RNF130: variants seen among roughly 807,000 people sequenced by gnomAD.
The protein encoded by RNF130 is E3 ubiquitin-protein ligase RNF130.
Under a neutral mutation model 44.6 loss-of-function variants are expected in RNF130, and 21 were observed. The ratio of observed to expected loss-of-function variants is 0.47; its 90% CI spans 0.33 to 0.68. RNF130 has a LOEUF of 0.68. Ranked by LOEUF, RNF130 falls within the 30% of genes least tolerant of loss-of-function variation. RNF130 has a pLI of 0.02. For missense variants in RNF130, 479 were observed against 560.6 expected (o/e 0.85, Z 1.47); for synonymous variants, 214 against 210.4 (o/e 1.02, Z -0.15).
intron 1 of RNF130, among the ~76,000 whole-genome samples, chr5:180,064,526 T>G (rs773068963): frequency 3.9e-5 from 6 of 152,240 alleles, no homozygotes; most frequent in African/African-American, 1.2e-4. Flanking sequence ...TTTGCCAACT[T>G]TGGAAATTGT....
At chr5:179,933,510 T>A (rs1287104754) in intron 7 of RNF130, among the ~76,000 whole-genome samples, 1 of 151,590 alleles carries the variant, frequency 6.6e-6, no homozygotes, top group Non-Finnish European at 1.5e-5. Flanking sequence ...CATTTTATTT[T>A]ACTTTTTAAT....
At chr5:180,014,863 G>A (rs2113089253) in intron 2 of RNF130, among the ~76,000 whole-genome samples, 1 of 152,284 alleles carries the variant, frequency 6.6e-6, no homozygotes, top group East Asian at 1.9e-4. Flanking sequence ...GCACATGTCT[G>A]TGGTCCCAGA....
chr5:179,938,146 T>C lies in RNF130; in HGVS notation c.1151-17720A>G, dbSNP rs970736921. On this transcript the variant is annotated intron_variant, in intron 7 of 7. Transcript: ENST00000522208. ...TAATTTTTGTATTTTTTTGTAGAGA[T>C]GGGGTTTTGCCACGTTGCCCAGGTT... is the stretch of plus-strand genomic sequence containing the variant. Among the ~76,000 whole-genome samples, 5 of 151,970 alleles carry C rather than the reference T, an allele frequency of 3.3e-5. No homozygotes were observed. The South Asian group carries it at 1.0e-3, about 32-fold the overall frequency.
chr5:179,933,573 G>A (rs576564425), intron 7 of RNF130, among the ~76,000 whole-genome samples: 1 of 150,206 alleles, frequency 6.7e-6, no homozygotes, highest in African/African-American at 2.5e-5. Context: ...CCAGGCTGGA[G>A]TGCAGTGGTG....
intron 8 of RNF130, among the ~76,000 whole-genome samples, chr5:179,961,239 G>T (rs749396624): frequency 2.2e-4 from 33 of 152,058 alleles, no homozygotes; most frequent in Non-Finnish European, 4.1e-4. Context: ...TACACAACAT[G>T]CACGCACACA....
chr5:179,946,854 C>T (rs188161239), intron 7 of RNF130, among the ~76,000 whole-genome samples: 2 of 152,258 alleles, frequency 1.3e-5, no homozygotes, highest in Admixed American at 6.5e-5. Flanking sequence ...GCGCCCAGCA[C>T]CATAGGGGAT....
At chr5:180,054,955 T>A (rs748475400) in intron 1 of RNF130, among the ~76,000 whole-genome samples, 7 of 152,226 alleles carry the variant, frequency 4.6e-5, no homozygotes, top group African/African-American at 1.7e-4. Flanking sequence ...GAACTACAAC[T>A]GACTTAATTT....
At chr5:180,000,258 C>G (rs924284437) in intron 3 of RNF130, among the ~76,000 whole-genome samples, 9 of 152,210 alleles carry the variant, frequency 5.9e-5, no homozygotes, top group African/African-American at 2.2e-4. Flanking sequence ...TAAGATTTCT[C>G]TGGAAAAATC....
chr5:180,042,924 T>G (rs992475960), intron 1 of RNF130, among the ~76,000 whole-genome samples: 7 of 152,258 alleles, frequency 4.6e-5, no homozygotes, highest in African/African-American at 1.2e-4. Context: ...GCTGTGTAAC[T>G]ATCACAGGTG....
At chr5:180,055,492 CTGTG>C (rs1213601705) in intron 1 of RNF130, among the ~76,000 whole-genome samples, 2 of 151,462 alleles carry the variant, frequency 1.3e-5, no homozygotes, top group Non-Finnish European at 2.9e-5. Context: ...GCGTATGTGT[CTGTG>C]TGTCTGTCTG....
chr5:179,940,744 T>A (rs1761960127), intron 7 of RNF130, among the ~76,000 whole-genome samples: 1 of 152,142 alleles, frequency 6.6e-6, no homozygotes, highest in African/African-American at 2.4e-5. Context: ...CAGTTTGATG[T>A]CTTTTGTCAG....
chr5:180,019,708 G>A (rs1682522610), intron 2 of RNF130, among the ~76,000 whole-genome samples: 2 of 152,204 alleles, frequency 1.3e-5, no homozygotes, highest in Admixed American at 1.3e-4. Context: ...CTGACAGATG[G>A]AGGTTATATC....
chr5:179,978,001 G>A (rs1008807983), intron 5 of RNF130, among the ~76,000 whole-genome samples: 11 of 152,240 alleles, frequency 7.2e-5, no homozygotes, highest in South Asian at 2.1e-4. Flanking sequence ...GCTACACCTC[G>A]GAAGGCCGTG....
In RNF130 at chr5:179,973,992, C is replaced by T. The variant is rs544524397; in HGVS notation, c.849-3486G>A. ...CAGCGCCCTCCCCTTTCCTATGTCC[C>T]ACACATGCCATGAACTAGAGTGAGC... On this transcript the variant is annotated intron_variant, in intron 5 of 8. Coordinates refer to ENST00000521389, the MANE Select transcript of RNF130 (RefSeq NM_018434.6). Among the ~76,000 whole-genome samples, 374 of 152,284 alleles carry T rather than the reference C, an allele frequency of 2.5e-3. 3 individuals are homozygous for T. Among genetic ancestry groups the T allele is most frequent in the African/African-American group, 8.5e-3 (352 of 41,548 alleles).
chr5:179,916,502 T>G (rs911623275), exon 8 of RNF130: 8 of 152,190 alleles, frequency 5.3e-5, no homozygotes, highest in Admixed American at 1.3e-4. Context: ...TAAAATTCAG[T>G]AATCTCGTTT....
chr5:179,975,965 G>A (rs1347868364), intron 5 of RNF130, among the ~76,000 whole-genome samples: 3 of 148,402 alleles, frequency 2.0e-5, no homozygotes, highest in African/African-American at 5.1e-5. Context: ...GCCTCCACCC[G>A]GGATGCTTCT....
chr5:180,050,263 A>G (rs1490670185), intron 1 of RNF130, among the ~76,000 whole-genome samples: 2 of 152,238 alleles, frequency 1.3e-5, no homozygotes, highest in African/African-American at 4.8e-5. Flanking sequence ...GACCCAGCAG[A>G]GCCGATGGAG....
intron 1 of RNF130, among the ~76,000 whole-genome samples, chr5:180,040,934 G>T (rs1215737591): frequency 6.6e-6 from 1 of 152,178 alleles, no homozygotes; most frequent in Admixed American, 6.5e-5. Flanking sequence ...TCCAGTACAG[G>T]GTGGTAAAGG....
chr5:179,995,587 T>G (rs1763182335), intron 3 of RNF130, among the ~76,000 whole-genome samples: 1 of 152,204 alleles, frequency 6.6e-6, no homozygotes, highest in Non-Finnish European at 1.5e-5. Flanking sequence ...CCACCAGGTC[T>G]GGGAAAATGC....
Sources: gnomAD v4.1 joint callset for allele counts (sites outside exome capture counted in the v4.1 genomes callset) on GRCh38, gnomAD v4.1.1 for gene constraint, MANE v1.5 for transcripts, NCBI Gene and HGNC (gene_info 2026-07-23, HGNC 2026-07-21) for gene names.